The following TBC1D8B variants were observed in gnomAD, a reference collection of about 807,000 sequenced individuals.
The protein encoded by TBC1D8B is RP11-321G1.1.
A neutral mutation model predicts 82.9 loss-of-function variants in TBC1D8B; 75 were observed. The ratio of observed to expected loss-of-function variants is 0.90; its 90% CI spans 0.75 to 1.10. The LOEUF (loss-of-function observed/expected upper bound fraction) is 1.10. Ranked by LOEUF, TBC1D8B falls within the 50% of genes least tolerant of loss-of-function variation. The pLI is 0.00. For missense variants in TBC1D8B, 794 were observed against 796.9 expected (o/e 1.00, Z 0.04); for synonymous variants, 276 against 276.8 (o/e 1.00, Z 0.03).
At chrX:106,873,476 C>A in intron 20 of TBC1D8B, 94 bp from the exon 21 acceptor site, 1 of 900,078 alleles carries the variant, frequency 1.1e-6, no homozygotes, top group Non-Finnish European at 1.5e-6. Flanking sequence ...TTCTATGGTA[C>A]AAATCCTATA....
intron 7 of TBC1D8B, chrX:106,830,106 C>A (rs1439679862): frequency 1.8e-5 from 2 of 111,626 alleles, no homozygotes; most frequent in Non-Finnish European, 1.9e-5. Context: ...AAGAAAAAAA[C>A]AAACAACCCC....
At chrX:106,814,128 A>G (rs554696096) in intron 1 of TBC1D8B, 2 of 110,009 alleles carry the variant, frequency 1.8e-5, no homozygotes, top group East Asian at 2.9e-4. Context: ...TGTCCTTGCA[A>G]TAGTTTACTG....
At chrX:106,867,044 G>A (rs1016941206) in intron 17 of TBC1D8B, among the ~76,000 whole-genome samples, 182 bp downstream of exon 17, 4 of 111,643 alleles carry the variant, frequency 3.6e-5, no homozygotes, top group African/African-American at 1.3e-4. Flanking sequence ...GATCTTCTAT[G>A]GAAGAGATTC....
chrX:106,870,554 G>T (rs1165736523), intron 19 of TBC1D8B, among the ~76,000 whole-genome samples, 162 bp from the exon 20 acceptor site: 1 of 111,664 alleles, frequency 9.0e-6, no homozygotes, highest in African/African-American at 3.3e-5. Flanking sequence ...TATTCTGAGA[G>T]CCAGTGGGTG....
Position 106,840,658 on chromosome X carries a change from T to C in TBC1D8B, c.1505-12T>C. On this transcript the variant is annotated splice_polypyrimidine_tract_variant and intron_variant, in intron 9 of 20. Transcript: ENST00000357242. ...CACCTTCTGTTGTATGTTAATGTAA[T>C]AATCTTCACAGGTGCTGTTAATGAC... is the stretch of plus-strand genomic sequence containing the variant. 1 of 1,194,386 alleles carries C rather than the reference T, an allele frequency of 8.4e-7. No individual in the cohort carries two copies. The highest frequency in any genetic ancestry group is 1.8e-5 in the South Asian group (1 of 56,342).
At position 106,834,522 on chromosome X, in the gene TBC1D8B, C is replaced by T. The variant is rs764622592; in HGVS notation, c.1204-4786C>T. On this transcript the variant is annotated intron_variant, in intron 7 of 20. Transcript: ENST00000357242. ...CCTCATATTTCAAAACACACTCATG[C>T]CCTACCAACAGCCCCCTAAAGTCTT... 5.4e-5 allele frequency among the ~76,000 whole-genome samples: 6 copies of T among 111,334 alleles called. No individual in the cohort carries two copies. The East Asian group carries it at 1.1e-3, about 21-fold the overall frequency.
rs994216214 is a variant in TBC1D8B at position 106,839,330 on chromosome X, C to T, written c.1226C>T (p.Thr409Ile). Residue 409 changes from threonine to isoleucine, a missense_variant, in exon 8 of 21, where the codon ACA becomes ATA. Coordinates refer to ENST00000357242, the MANE Select transcript of TBC1D8B (RefSeq NM_017752.3). ...STELAISSES[T>I]EPSDNFEVQS... ...CAGCTTGCTATTAGTTCTGAGTCTA[C>T]AGAGCCATCTGATAATTTTGAGGTG... is the stretch of plus-strand genomic sequence containing the variant. 5.1e-6 allele frequency: 6 copies of T among 1,176,889 alleles called. No individual in the cohort carries two copies. The highest frequency in any genetic ancestry group is 6.8e-6 in the Non-Finnish European group (6 of 878,199).
chrX:106,810,546 C>G (rs1931336906), intron 1 of TBC1D8B, among the ~76,000 whole-genome samples: 1 of 111,805 alleles, frequency 8.9e-6, no homozygotes, highest in Non-Finnish European at 1.9e-5. Flanking sequence ...GTCCACTGTT[C>G]TTTCAGTGGA....
intron 1 of TBC1D8B, among the ~76,000 whole-genome samples, chrX:106,803,973 C>G (rs1372450125): frequency 8.9e-6 from 1 of 111,734 alleles, no homozygotes; most frequent in Non-Finnish European, 1.9e-5. Context: ...CCATCCTACT[C>G]TCTTACTTGT....
chrX:106,821,233 A>G (rs1485940165), intron 3 of TBC1D8B, among the ~76,000 whole-genome samples: 1 of 111,126 alleles, frequency 9.0e-6, no homozygotes, highest in African/African-American at 3.3e-5. Context: ...TTTAGGTACC[A>G]ATTACTGACA....
chrX:106,809,694 G>A (rs772918137), intron 1 of TBC1D8B, among the ~76,000 whole-genome samples: 15 of 109,486 alleles, frequency 1.4e-4, no homozygotes, highest in Non-Finnish European at 2.9e-4. Context: ...GACCAGCCTG[G>A]TCAACATGGT....
chrX:106,858,253 T>C (rs1932735644), intron 14 of TBC1D8B, among the ~76,000 whole-genome samples: 1 of 110,998 alleles, frequency 9.0e-6, no homozygotes, highest in Admixed American at 9.6e-5. Context: ...TTTTATGGAG[T>C]TGTTTGATTT....
At chrX:106,822,959 C>T (rs926769745) in intron 4 of TBC1D8B, among the ~76,000 whole-genome samples, 1 of 110,974 alleles carries the variant, frequency 9.0e-6, no homozygotes, top group African/African-American at 3.3e-5. Context: ...TGTAATGAGC[C>T]ATGATCATGT....
At chrX:106,827,118 G>A (rs1931870420) in intron 6 of TBC1D8B, 52 bp from the exon 7 acceptor site, 6 of 1,163,096 alleles carry the variant, frequency 5.2e-6, no homozygotes, top group Non-Finnish European at 6.9e-6. Flanking sequence ...TTACTTGAAG[G>A]TGTCAACAAT....
intron 7 of TBC1D8B, 61 bp from the exon 8 acceptor site, chrX:106,839,246 AC>A: frequency 9.5e-7 from 1 of 1,058,071 alleles, no homozygotes; most frequent in East Asian, 3.2e-5. Flanking sequence ...AAACATTAGA[AC>A]TTTTTTTTCT....
At chrX:106,857,692 C>T (rs1932726145) in intron 14 of TBC1D8B, among the ~76,000 whole-genome samples, 2 of 111,783 alleles carry the variant, frequency 1.8e-5, no homozygotes, top group Non-Finnish European at 3.8e-5. Context: ...TCTGTTAGTT[C>T]ACTTAGGATA....
chrX:106,809,676 G>A, intron 1 of TBC1D8B, among the ~76,000 whole-genome samples: 1 of 109,946 alleles, frequency 9.1e-6, no homozygotes, highest in East Asian at 2.9e-4. Flanking sequence ...CTGAGGTCAA[G>A]AGTTCGAGAC....
intron 14 of TBC1D8B, among the ~76,000 whole-genome samples, chrX:106,865,200 G>A (rs1272122243): frequency 9.0e-6 from 1 of 111,403 alleles, no homozygotes; most frequent in Non-Finnish European, 1.9e-5. Context: ...CTCACATGAT[G>A]ACTAGATATG....
intron 1 of TBC1D8B, chrX:106,815,639 G>A (rs1470790462): frequency 9.1e-6 from 1 of 110,088 alleles, no homozygotes; most frequent in Non-Finnish European, 1.9e-5. Flanking sequence ...ACCTTGGGCA[G>A]TATGGCCATT....
Sources: gnomAD v4.1 joint callset for allele counts (sites outside exome capture counted in the v4.1 genomes callset) on GRCh38, gnomAD v4.1.1 for gene constraint, MANE v1.5 for transcripts, NCBI Gene and HGNC (gene_info 2026-07-23, HGNC 2026-07-21) for gene names.